RABGAP1L: variants seen among roughly 807,000 people sequenced by gnomAD.
RABGAP1L encodes RAB GTPase activating protein 1 like, also known as rab GTPase-activating protein 1-like.
RABGAP1L carries 63 observed loss-of-function variants against 137.7 expected under a neutral mutation model. That is an observed-to-expected ratio of 0.46 (90% CI 0.37 to 0.56). The LOEUF (loss-of-function observed/expected upper bound fraction) is 0.56, where lower values mean the gene tolerates loss of function less well. Ranked by LOEUF, RABGAP1L falls within the 20% of genes least tolerant of loss-of-function variation. RABGAP1L has a pLI of 0.00. For missense variants in RABGAP1L, 1,095 were observed against 1,244.0 expected, an observed-to-expected ratio of 0.88 and a Z score of 1.80; for synonymous variants, 431 against 433.7, an observed-to-expected ratio of 0.99 and a Z score of 0.08.
intron 14 of RABGAP1L, among the ~76,000 whole-genome samples, chr1:174,665,779 T>C (rs1414911417): frequency 1.3e-5 from 2 of 152,220 alleles, no homozygotes; most frequent in Non-Finnish European, 2.9e-5. Flanking sequence ...CTTCTTTATC[T>C]ATAAAATTGA....
chr1:174,957,723 C>CT (rs34143059), intron 20 of RABGAP1L, 174 bp downstream of exon 20: 56,788 of 488,860 alleles, frequency 0.12, 2,491 homozygotes, highest in African/African-American at 0.36. Context: ...AGCAAAGTAC[C>CT]TTTTTTTTTT....
chr1:174,776,089 G>A (rs1324340962), intron 18 of RABGAP1L, among the ~76,000 whole-genome samples: 2 of 152,116 alleles, frequency 1.3e-5, no homozygotes, highest in Non-Finnish European at 2.9e-5. Flanking sequence ...GGTGTTAGAG[G>A]CCAGGCGTGG....
In RABGAP1L at chr1:174,280,770, C is replaced by G. The variant is rs150948842; in HGVS notation, c.1323+1991C>G. 6.8e-4 allele frequency among the ~76,000 whole-genome samples: 104 copies of G among 152,284 alleles called. 1 individual carries two copies. The highest frequency in any genetic ancestry group is 2.3e-3 in the African/African-American group (95 of 41,566). On this transcript the variant is annotated intron_variant, in intron 10 of 25. Transcript: ENST00000681986. Reference sequence around the variant, plus strand: ...GCTGGGAAAGTAAACTAGAGAAAGTCCTTTTGTGTCCGGAATTGGTTCCTT... The same window carrying G: ...GCTGGGAAAGTAAACTAGAGAAAGTGCTTTTGTGTCCGGAATTGGTTCCTT...
chr1:174,174,826 G>A (rs1190144828), intron 1 of RABGAP1L, among the ~76,000 whole-genome samples: 1 of 152,130 alleles, frequency 6.6e-6, no homozygotes, highest in Non-Finnish European at 1.5e-5. Context: ...GATGGTGCCT[G>A]CCCACACTGG....
intron 13 of RABGAP1L, among the ~76,000 whole-genome samples, chr1:174,503,931 C>T (rs1473422543): frequency 6.6e-6 from 1 of 151,024 alleles, no homozygotes; most frequent in African/African-American, 2.4e-5. Context: ...AATGTCCATA[C>T]TACCTAAAAC....
intron 13 of RABGAP1L, among the ~76,000 whole-genome samples, chr1:174,477,516 A>G (rs902738844): frequency 2.6e-5 from 4 of 152,208 alleles, no homozygotes; most frequent in Admixed American, 6.5e-5. Flanking sequence ...CAACAAATAG[A>G]TGATGGCTAT....
At chr1:174,205,036 T>G (rs1485543954) in intron 1 of RABGAP1L, among the ~76,000 whole-genome samples, 3 of 152,208 alleles carry the variant, frequency 2.0e-5, no homozygotes, top group African/African-American at 7.2e-5. Context: ...AATAAAGGCC[T>G]TTTCTGCTTC....
intron 17 of RABGAP1L, among the ~76,000 whole-genome samples, chr1:174,707,694 A>G (rs1680160943): frequency 6.6e-6 from 1 of 152,208 alleles, no homozygotes; most frequent in African/African-American, 2.4e-5. Context: ...ATTAATAATA[A>G]CATTGCCCTG....
intron 13 of RABGAP1L, among the ~76,000 whole-genome samples, chr1:174,435,709 G>C (rs1439213902): frequency 6.6e-6 from 1 of 151,624 alleles, no homozygotes; most frequent in African/African-American, 2.4e-5. Flanking sequence ...CAACGTGCAG[G>C]TTTGTTACAT....
Position 174,994,960 on chromosome 1 carries a change from A to G in RABGAP1L, c.*4959A>G, listed in dbSNP as rs757955997. On this transcript the variant is annotated 3_prime_UTR_variant, in exon 26 of 26. Coordinates refer to ENST00000681986, the MANE Select transcript of RABGAP1L (RefSeq NM_001366446.1). ...TTAGTCTGAACAGTACTAATTAACT[A>G]CAAAATAAACGTTAGTGATCAGCCT... is the stretch of plus-strand genomic sequence containing the variant. 2.6e-5 allele frequency: 4 copies of G among 152,254 alleles called. No individual in the cohort carries two copies. The highest frequency in any genetic ancestry group is 4.8e-5 in the African/African-American group (2 of 41,464). 9.4% of individuals were successfully genotyped at this position (152,254 alleles called of 1,614,324 possible). A position where few individuals can be genotyped will look rare whatever the true frequency, so the allele number is the denominator to read the frequency against.
At chr1:174,425,485 T>C (rs1361148871) in intron 13 of RABGAP1L, among the ~76,000 whole-genome samples, 1 of 152,048 alleles carries the variant, frequency 6.6e-6, no homozygotes. Context: ...GGCAAAGATA[T>C]GAAGAATATT....
chr1:174,275,232 C>T (rs1008706218), intron 8 of RABGAP1L: 1 of 152,038 alleles, frequency 6.6e-6, no homozygotes, highest in African/African-American at 2.4e-5. Flanking sequence ...CACTTGGATG[C>T]TGCTTACAAA....
chr1:174,639,937 T>C (rs1196867588), intron 14 of RABGAP1L, among the ~76,000 whole-genome samples: 1 of 152,180 alleles, frequency 6.6e-6, no homozygotes, highest in Non-Finnish European at 1.5e-5. Context: ...CTAAACCATT[T>C]TAAAACTCTT....
chr1:174,351,164 C>G (rs1683151346), intron 11 of RABGAP1L, among the ~76,000 whole-genome samples: 2 of 151,450 alleles, frequency 1.3e-5, no homozygotes, highest in Admixed American at 1.3e-4. Flanking sequence ...TTATTTTTAA[C>G]AGGTTCATCT....
chr1:174,304,866 T>C (rs1400691264), intron 10 of RABGAP1L, 120 bp from the exon 11 acceptor site: 1 of 883,906 alleles, frequency 1.1e-6, no homozygotes, highest in Non-Finnish European at 1.6e-6. Context: ...AGACATGCTG[T>C]AGATCAAACA....
chr1:174,856,661 T>C (rs1453212801), intron 19 of RABGAP1L, among the ~76,000 whole-genome samples: 1 of 152,062 alleles, frequency 6.6e-6, no homozygotes, highest in Non-Finnish European at 1.5e-5. Flanking sequence ...GTGCAGTGGC[T>C]CACACCTGTA....
intron 13 of RABGAP1L, among the ~76,000 whole-genome samples, chr1:174,426,199 C>T (rs1029375917): frequency 6.6e-6 from 1 of 152,020 alleles, no homozygotes; most frequent in Admixed American, 6.6e-5. Flanking sequence ...ATCTTGACAG[C>T]AAGATTTAAA....
chr1:174,866,942 A>G (rs562296967), intron 19 of RABGAP1L, among the ~76,000 whole-genome samples: 1 of 152,102 alleles, frequency 6.6e-6, no homozygotes, highest in East Asian at 1.9e-4. Context: ...AAATTTAAAA[A>G]TTAGCTGGGA....
At chr1:174,399,816 T>G (rs1205447546) in intron 13 of RABGAP1L, among the ~76,000 whole-genome samples, 1 of 152,072 alleles carries the variant, frequency 6.6e-6, no homozygotes, top group African/African-American at 2.4e-5. Flanking sequence ...TGGGAACTCA[T>G]TATCACGAGA....
Sources: allele counts gnomAD v4.1 joint callset (sites outside exome capture counted in the v4.1 genomes callset), GRCh38; gene constraint gnomAD v4.1.1; transcripts MANE v1.5; gene names NCBI Gene and HGNC (gene_info 2026-07-23, HGNC 2026-07-21).